The following RHEB variants were observed in gnomAD, a reference collection of about 807,000 sequenced individuals.
RHEB encodes GTP-binding protein Rheb.
In RHEB, 2 loss-of-function variants were observed where a neutral mutation model predicts 28.8. The observed-to-expected ratio is 0.07, with a 90% CI of 0.03 to 0.22. RHEB has a LOEUF of 0.22. Ranked by LOEUF, RHEB falls within the 10% of genes least tolerant of loss-of-function variation. RHEB has a pLI of 1.00. For synonymous variants in RHEB, 69 were observed against 77.3 expected (o/e 0.89, Z 0.56); for missense variants, 76 against 219.9 (o/e 0.35, Z 4.14).
At chr7:151,499,975 G>GT (rs890957749) in intron 1 of RHEB, among the ~76,000 whole-genome samples, 5 of 152,002 alleles carry the variant, frequency 3.3e-5, no homozygotes, top group African/African-American at 4.8e-5. Flanking sequence ...CACCCAGTGA[G>GT]TTTTTTTTGT....
At chr7:151,477,586 A>G (rs563915536) in intron 3 of RHEB, among the ~76,000 whole-genome samples, 171 bp from the exon 4 acceptor site, 1 of 152,292 alleles carries the variant, frequency 6.6e-6, no homozygotes, top group East Asian at 1.9e-4. Context: ...CCTGGAGGTG[A>G]TAATGTGGTT....
rs533652653 is a variant in RHEB at position 151,468,789 on chromosome 7, G to A, written c.463-1578C>T. ...TGAAGCCAACCCCAGGTCCCACCCC[G>A]CTTGTCTAATCTAGGTCACCGGCTT... On this transcript the variant is annotated intron_variant, in intron 7 of 7. Coordinates refer to ENST00000262187, the MANE Select transcript of RHEB (RefSeq NM_005614.4). This position sits in a 1 kb window ranked among gnomAD's most constrained non-coding sequence, Gnocchi z 4.3. Among the ~76,000 whole-genome samples, 3 of 152,206 alleles carry A rather than the reference G, an allele frequency of 2.0e-5. No individual in the cohort carries two copies. Among genetic ancestry groups the A allele is most frequent in the African/African-American group, 7.2e-5 (3 of 41,522 alleles).
chr7:151,493,771 T>C (rs970017698), intron 1 of RHEB, among the ~76,000 whole-genome samples: 3 of 152,170 alleles, frequency 2.0e-5, no homozygotes, highest in Non-Finnish European at 4.4e-5. Flanking sequence ...AAAGAAACCA[T>C]GTTATATATG....
At chr7:151,481,129 A>C (rs958361674) in intron 3 of RHEB, among the ~76,000 whole-genome samples, 1 of 149,358 alleles carries the variant, frequency 6.7e-6, no homozygotes, top group Non-Finnish European at 1.5e-5. Flanking sequence ...AGAAGAGGCT[A>C]CTTTTTTTTT....
rs539853161 is a variant in RHEB at position 151,503,013 on chromosome 7, C to A, written c.53-11999G>T. 2.3e-4 allele frequency: 183 copies of A among 783,296 alleles called. 2 individuals are homozygous for A. Among genetic ancestry groups the A allele is most frequent in the Admixed American group, 1.6e-3 (92 of 58,612 alleles). The allele number at this position is 783,296 out of a possible 1,614,324, so 48.5% of individuals were successfully genotyped here. ...GTGAAATTCATTCAAGAAAAGAAATCAATAGAACGATACTTTGATGAAATC... is the reference window on the plus strand; with the variant it reads ...GTGAAATTCATTCAAGAAAAGAAATAAATAGAACGATACTTTGATGAAATC... On this transcript the variant is annotated intron_variant, in intron 1 of 7. Transcript: ENST00000262187.
chr7:151,477,779 G>A (rs932018809), intron 3 of RHEB, among the ~76,000 whole-genome samples: 1 of 152,138 alleles, frequency 6.6e-6, no homozygotes, highest in African/African-American at 2.4e-5. Context: ...TATAAATCCT[G>A]CTGATTTATC....
chr7:151,487,618 A>G (rs577784693), intron 2 of RHEB, among the ~76,000 whole-genome samples: 1 of 152,294 alleles, frequency 6.6e-6, no homozygotes, highest in African/African-American at 2.4e-5. Flanking sequence ...AAGACCTTCC[A>G]TCTTGCTGTC....
At chr7:151,517,089 C>A (rs1269519457) in intron 1 of RHEB, among the ~76,000 whole-genome samples, 4 of 152,132 alleles carry the variant, frequency 2.6e-5, no homozygotes, top group Non-Finnish European at 5.9e-5. Context: ...TGCGGCTGGG[C>A]ATGGTGGCTC....
chr7:151,487,783 C>T (rs1025624302), intron 2 of RHEB, among the ~76,000 whole-genome samples: 2 of 152,184 alleles, frequency 1.3e-5, no homozygotes, highest in Non-Finnish European at 2.9e-5. Flanking sequence ...GCCCCTTTCT[C>T]CCTGCCTCTT....
In RHEB at chr7:151,467,154, C is replaced by T. The variant is rs777044574; in HGVS notation, c.520G>A (p.Ala174Thr). The change falls in exon 8 of 8, where the codon GCT becomes ACT. Residue 174 changes from alanine (A) to threonine (T), a missense_variant. Transcript: ENST00000262187. ...GAGCATGAAGACTTGCCTTGTGAAG[C>T]TGCCCCGTCCATTTTTTCTGCCTCC... Reference protein sequence around the residue: ...ILEAEKMDGAASQGKSSCSVM With the variant: ...ILEAEKMDGATSQGKSSCSVM The T allele has an allele frequency of 6.2e-7, 1 of 1,613,758 alleles. No individual in the cohort carries two copies. Among genetic ancestry groups the T allele is most frequent in the Non-Finnish European group, 8.5e-7 (1 of 1,179,666 alleles).
chr7:151,471,145 T>C (rs1187168102), intron 6 of RHEB, among the ~76,000 whole-genome samples: 1 of 152,248 alleles, frequency 6.6e-6, no homozygotes, highest in African/African-American at 2.4e-5. Flanking sequence ...ATGAGCACTA[T>C]GTCTTTTTAG....
chr7:151,519,621 G>T lies in RHEB; in HGVS notation c.-110C>A. 5 of 972,036 alleles carry T rather than the reference G, an allele frequency of 5.1e-6. No homozygotes were observed. Among genetic ancestry groups the T allele is most frequent in the Non-Finnish European group, 6.9e-6 (5 of 729,196 alleles). The allele number at this position is 972,036 out of a possible 1,614,324, so 60.2% of individuals were successfully genotyped here. ...GGGAGAGAGCGGCATACAGAGCAGG[G>T]GCGGCGGCGGGCGCGGCTGCCTCTC... On this transcript the variant is annotated 5_prime_UTR_variant, in exon 1 of 8. Coordinates refer to ENST00000262187, the MANE Select transcript of RHEB (RefSeq NM_005614.4).
intron 2 of RHEB, among the ~76,000 whole-genome samples, chr7:151,490,614 A>G (rs1369101058): frequency 6.6e-6 from 1 of 152,226 alleles, no homozygotes; most frequent in Non-Finnish European, 1.5e-5. Context: ...GAATCCCTGG[A>G]AACTGCAATG....
intron 1 of RHEB, among the ~76,000 whole-genome samples, chr7:151,516,130 G>C (rs111896407): frequency 4.6e-5 from 7 of 152,168 alleles, no homozygotes; most frequent in South Asian, 2.1e-4. Flanking sequence ...TGGCCATCAC[G>C]GCAACAGTTA....
chr7:151,513,326 T>G (rs770669417), intron 1 of RHEB, among the ~76,000 whole-genome samples: 4 of 152,106 alleles, frequency 2.6e-5, no homozygotes, highest in Non-Finnish European at 4.4e-5. Context: ...TTCTTGGAAA[T>G]TAAAGAAACA....
intron 1 of RHEB, among the ~76,000 whole-genome samples, chr7:151,495,363 A>G (rs1802654839): frequency 6.6e-6 from 1 of 152,236 alleles, no homozygotes; most frequent in African/African-American, 2.4e-5. Context: ...AATTCCTACA[A>G]TTAACTGTCA....
intron 1 of RHEB, among the ~76,000 whole-genome samples, chr7:151,501,297 T>C (rs1802767899): frequency 1.3e-5 from 2 of 152,166 alleles, no homozygotes; most frequent in Admixed American, 1.3e-4. Context: ...GAGCAAAAGA[T>C]CTGAACACTT....
intron 1 of RHEB, among the ~76,000 whole-genome samples, chr7:151,496,972 G>C (rs562484391): frequency 7.3e-4 from 104 of 143,410 alleles, no homozygotes; most frequent in African/African-American, 2.5e-3. Context: ...TGTATTTTTA[G>C]TAGAGATGGG....
At chr7:151,501,957 G>A (rs1050367182) in intron 1 of RHEB, 8 of 669,078 alleles carry the variant, frequency 1.2e-5, no homozygotes, top group Non-Finnish European at 1.9e-5. Flanking sequence ...TTGGAGGCGG[G>A]CTGGGCGCCG....
Sources: allele counts gnomAD v4.1 joint callset (sites outside exome capture counted in the v4.1 genomes callset), GRCh38; gene constraint gnomAD v4.1.1; non-coding constraint Gnocchi (gnomAD v3.1); transcripts MANE v1.5; gene names NCBI Gene and HGNC (gene_info 2026-07-23, HGNC 2026-07-21).